Variants in RBFOX1 observed in about 807,000 individuals in gnomAD.
RBFOX1 encodes the protein RNA binding fox-1 homolog 1, also known as RNA binding protein fox-1 homolog 1.
A neutral mutation model predicts 57.7 loss-of-function variants in RBFOX1; 8 were observed. The observed-to-expected ratio is 0.14, with a 90% CI of 0.08 to 0.25. The LOEUF is 0.25. Among genes scored for constraint, RBFOX1 ranks in the 10% least tolerant of loss-of-function variants. The probability of loss-of-function intolerance (pLI) is 1.00; values close to 1 mark genes in which losing one functional copy is unlikely to be tolerated. For missense variants in RBFOX1, 611 were observed against 548.5 expected (o/e 1.11, Z -1.14); for synonymous variants, 326 against 222.4 (o/e 1.47, Z -4.15).
intron 3 of RBFOX1, among the ~76,000 whole-genome samples, chr16:6,819,682 G>A (rs1421452003): frequency 2.1e-5 from 2 of 94,322 alleles, no homozygotes; most frequent in Non-Finnish European, 3.8e-5. Context: ...TCCAGCCTGG[G>A]CAACAAGAGT....
chr16:5,531,511 A>T (rs2044476983), intron 2 of RBFOX1, among the ~76,000 whole-genome samples: 1 of 152,190 alleles, frequency 6.6e-6, no homozygotes, highest in African/African-American at 2.4e-5. Flanking sequence ...GGCAATAATG[A>T]GGGACTGTTG....
chr16:5,719,368 AT>A (rs543029084), intron 3 of RBFOX1, among the ~76,000 whole-genome samples: 2,429 of 142,718 alleles, frequency 0.017, 57 homozygotes, highest in African/African-American at 0.047. Context: ...TGCCCGGCTA[AT>A]TTTTTTTTTT....
chr16:6,778,116 C>CTGGA (rs201233501), intron 3 of RBFOX1, among the ~76,000 whole-genome samples: 3,003 of 152,220 alleles, frequency 0.02, 53 homozygotes, highest in Non-Finnish European at 0.031. Context: ...AATACATGAT[C>CTGGA]TGGATGCGCA....
At position 5,524,686 on chromosome 16, in the gene RBFOX1, G is replaced by A. The variant is rs143707992; in HGVS notation, c.258+57432G>A. 5.3e-5 allele frequency among the ~76,000 whole-genome samples: 8 copies of A among 151,938 alleles called. No homozygotes were observed. In the East Asian group the frequency reaches 5.8e-4, roughly 11 times the overall value. The stretch of plus-strand genomic sequence containing the variant: ...CTTCCAAGTAGCCGGGATTACAGAC[G>A]CATGCCACCGTGACTGGCTAATTTT... On this transcript the variant is annotated intron_variant, in intron 2 of 2. Transcript: ENST00000585867.
chr16:5,835,251 C>T (rs185262164), intron 3 of RBFOX1, among the ~76,000 whole-genome samples: 16 of 152,274 alleles, frequency 1.1e-4, no homozygotes, highest in Admixed American at 2.0e-4. Flanking sequence ...CGTGACAATA[C>T]TCGGCTGGGC....
At chr16:7,490,621 A>G (rs1248606229) in intron 4 of RBFOX1, among the ~76,000 whole-genome samples, 2 of 152,212 alleles carry the variant, frequency 1.3e-5, no homozygotes, top group Non-Finnish European at 2.9e-5. Context: ...AGCAAATTCT[A>G]CTTTGTGGAA....
chr16:6,126,389 T>C (rs2096590020), intron 1 of RBFOX1, among the ~76,000 whole-genome samples: 1 of 152,224 alleles, frequency 6.6e-6, no homozygotes, highest in Non-Finnish European at 1.5e-5. Context: ...GAATGCGCAC[T>C]ATGTGCCAAG....
intron 4 of RBFOX1, among the ~76,000 whole-genome samples, chr16:7,336,838 C>T (rs890174283): frequency 5.9e-5 from 9 of 152,170 alleles, no homozygotes; most frequent in Admixed American, 1.3e-4. Flanking sequence ...CACCAAAGCT[C>T]ATTTAGGAAC....
chr16:6,351,372 AT>A lies in RBFOX1; in HGVS notation c.-64+34330del, dbSNP rs761394862. Reference sequence around the variant, plus strand: ...TGTGTGTATATATATATATATATATATTTTTTTTTTTTTTTCTTGAGGCAGA... The same window carrying A: ...TGTGTGTATATATATATATATATATATTTTTTTTTTTTTTCTTGAGGCAGA... On this transcript the variant is annotated intron_variant, in intron 2 of 15. Transcript: ENST00000550418. Among the ~76,000 whole-genome samples, 634 of 86,186 alleles carry A rather than the reference AT, an allele frequency of 7.4e-3. 1 individual carries two copies. Among genetic ancestry groups the A allele is most frequent in the Admixed American group, 9.6e-3 (69 of 7,178 alleles). The allele number at this position is 86,186 out of a possible 152,430, so 56.5% of individuals were successfully genotyped here.
chr16:6,661,426 TACAGCA>T (rs2098700895), intron 3 of RBFOX1, among the ~76,000 whole-genome samples: 1 of 152,176 alleles, frequency 6.6e-6, no homozygotes, highest in Non-Finnish European at 1.5e-5. Flanking sequence ...AAGGAGAGAC[TACAGCA>T]GTGAGTAGGT....
Position 6,966,464 on chromosome 16 carries a change from G to T in RBFOX1, c.-15-85593G>T, listed in dbSNP as rs796548512. ...CGAGGTGGAGGGGTGAGCTCATTCT[G>T]CCATCCACGGAGCATGATCACAGTA... is the stretch of plus-strand genomic sequence containing the variant. On this transcript the variant is annotated intron_variant, in intron 3 of 15. Transcript: ENST00000550418. Among the ~76,000 whole-genome samples the T allele has an allele frequency of 1.2e-4, 19 of 152,248 alleles. 1 individual carries two copies. The highest frequency in any genetic ancestry group is 4.6e-4 in the African/African-American group (19 of 41,540).
intron 1 of RBFOX1, among the ~76,000 whole-genome samples, chr16:5,345,682 C>A (rs1387339568): frequency 6.6e-6 from 1 of 152,154 alleles, no homozygotes; most frequent in African/African-American, 2.4e-5. Context: ...CAGAAGCCAT[C>A]TCTTTCCGAT....
chr16:5,459,950 G>A (rs1174582928), intron 1 of RBFOX1, among the ~76,000 whole-genome samples: 3 of 152,050 alleles, frequency 2.0e-5, no homozygotes, highest in Admixed American at 1.3e-4. Context: ...TTATGACAAA[G>A]CTTGATTTAT....
At chr16:6,219,047 A>G (rs1394593630) in intron 1 of RBFOX1, among the ~76,000 whole-genome samples, 2 of 152,234 alleles carry the variant, frequency 1.3e-5, no homozygotes, top group African/African-American at 4.8e-5. Context: ...GAACAGGTAC[A>G]TATTTATCTT....
intron 3 of RBFOX1, among the ~76,000 whole-genome samples, chr16:5,842,937 G>T (rs2056662107): frequency 6.6e-6 from 1 of 152,098 alleles, no homozygotes; most frequent in Non-Finnish European, 1.5e-5. Flanking sequence ...TCCTGCCTCA[G>T]CCTCCTGAGT....
intron 3 of RBFOX1, among the ~76,000 whole-genome samples, chr16:5,852,029 A>G (rs776859492): frequency 6.6e-6 from 1 of 152,170 alleles, no homozygotes; most frequent in Non-Finnish European, 1.5e-5. Context: ...CAATGAGAGG[A>G]TCTACATCAT....
chr16:7,068,097 G>A (rs980812820), intron 4 of RBFOX1, among the ~76,000 whole-genome samples: 12 of 151,578 alleles, frequency 7.9e-5, no homozygotes, highest in African/African-American at 2.9e-4. Flanking sequence ...TGCTTTTAAG[G>A]GTTCATGTGA....
intron 10 of RBFOX1, among the ~76,000 whole-genome samples, chr16:7,622,094 G>A (rs77684314): frequency 0.024 from 3,670 of 152,184 alleles, 143 homozygotes; most frequent in African/African-American, 0.084. Flanking sequence ...GCTCGGGGGA[G>A]GGGAGCAGTT....
intron 4 of RBFOX1, among the ~76,000 whole-genome samples, chr16:7,064,660 T>G (rs542655280): frequency 1.4e-4 from 22 of 152,284 alleles, no homozygotes; most frequent in African/African-American, 4.8e-4. Flanking sequence ...TTGTTTGATT[T>G]CCCTGGTCCA....
Sources: allele counts gnomAD v4.1 joint callset (sites outside exome capture counted in the v4.1 genomes callset), GRCh38; gene constraint gnomAD v4.1.1; transcripts MANE v1.5; gene names NCBI Gene and HGNC (gene_info 2026-07-23, HGNC 2026-07-21).